The following ZNF266 variants were observed in gnomAD, a reference collection of about 807,000 sequenced individuals.
ZNF266 encodes the protein zinc finger protein 266.
In ZNF266, 16 loss-of-function variants were observed where a neutral mutation model predicts 16.4. The ratio of observed to expected loss-of-function variants is 0.98; its 90% CI spans 0.66 to 1.48. The LOEUF (loss-of-function observed/expected upper bound fraction) is 1.48, where lower values mean the gene tolerates loss of function less well. Ranked by LOEUF, ZNF266 falls within the 40% of genes most tolerant of loss-of-function variation. The pLI is 0.00. For missense variants in ZNF266, 738 were observed against 689.1 expected (o/e 1.07, Z -0.79); for synonymous variants, 262 against 237.9 (o/e 1.10, Z -0.93).
intron 7 of ZNF266, chr19:9,418,841 G>A (rs2069441527): frequency 7.2e-6 from 3 of 418,742 alleles, no homozygotes; most frequent in Admixed American, 3.7e-5. Context: ...CAGACTGGGA[G>A]GTCATCTGAT....
Position 9,414,154 on chromosome 19 carries a change from CTGAG to C in ZNF266, c.968_971del (p.Thr323SerfsTer27), listed in dbSNP as rs761109509. ...TCTCTCCAGTGTGAGTTTTTCTGTGCTGAGTAAGTTGACAAGACCTGGTGAAGGC... is the reference window on the plus strand; with the variant it reads ...TCTCTCCAGTGTGAGTTTTTCTGTGCTAAGTTGACAAGACCTGGTGAAGGC... On this transcript the variant is annotated frameshift_variant, in exon 11 of 11. Coordinates refer to ENST00000592904, the MANE Select transcript of ZNF266 (RefSeq NM_001370374.1). LOFTEE classifies it low-confidence loss of function (END_TRUNC). 2.9e-5 allele frequency: 46 copies of C among 1,613,672 alleles called. No individual in the cohort carries two copies. In the Admixed American group the frequency reaches 3.5e-4, roughly 12 times the overall value.
chr19:9,413,957 G>T lies in ZNF266; in HGVS notation c.1169C>A (p.Pro390His), dbSNP rs370122292. ...TTTTCCACATATCTTACATTCAAAG[G>T]GATCCTTTGCAGTGTGAGTTTTTAA... ...EHLKTHTAKD[P>H]FECKICGKSF... is the part of the protein sequence containing the mutation. Residue 390 changes from proline (P) to histidine (H), a missense_variant, in exon 11 of 11, where the codon CCC becomes CAC. Transcript: ENST00000592904. 21 of 1,614,114 alleles carry T rather than the reference G, an allele frequency of 1.3e-5. No individual in the cohort carries two copies. The African/African-American group carries it at 2.5e-4, about 19-fold the overall frequency.
chr19:9,427,117 G>T (rs1053500984), intron 5 of ZNF266, among the ~76,000 whole-genome samples: 1 of 152,058 alleles, frequency 6.6e-6, no homozygotes, highest in Non-Finnish European at 1.5e-5. Flanking sequence ...TATCCCTACT[G>T]CTTCTCTATT....
intron 5 of ZNF266, among the ~76,000 whole-genome samples, chr19:9,428,717 A>G (rs112016273): frequency 0.099 from 3,117 of 31,372 alleles, 99 homozygotes; most frequent in African/African-American, 0.27. Context: ...CCAGGGTGGG[A>G]AAAAAAAAAA....
At chr19:9,425,732 A>G (rs2070647355) in intron 5 of ZNF266, among the ~76,000 whole-genome samples, 1 of 152,152 alleles carries the variant, frequency 6.6e-6, no homozygotes, top group Non-Finnish European at 1.5e-5. Context: ...TGGGTCCTCC[A>G]TAGTCCAAGC....
chr19:9,427,445 C>T (rs1191650355), intron 5 of ZNF266, among the ~76,000 whole-genome samples: 1 of 151,892 alleles, frequency 6.6e-6, no homozygotes, highest in Non-Finnish European at 1.5e-5. Flanking sequence ...CTCAGCCTCC[C>T]GAGTAGCTGG....
At chr19:9,416,406 C>T (rs1276280729) in intron 9 of ZNF266, among the ~76,000 whole-genome samples, 10 of 147,980 alleles carry the variant, frequency 6.8e-5, no homozygotes, top group Non-Finnish European at 1.3e-4. Flanking sequence ...TCTTGTCACT[C>T]AGGCTGGAGT....
intron 5 of ZNF266, among the ~76,000 whole-genome samples, chr19:9,429,104 T>C (rs2123393690): frequency 6.6e-6 from 1 of 152,274 alleles, no homozygotes; most frequent in East Asian, 1.9e-4. Context: ...TTCATTTCCC[T>C]AATAGGTCTC....
intron 9 of ZNF266, among the ~76,000 whole-genome samples, chr19:9,416,777 T>C (rs1340065099): frequency 6.9e-6 from 1 of 144,366 alleles, no homozygotes; most frequent in African/African-American, 2.6e-5. Flanking sequence ...GTTCAAGCGA[T>C]TCTCCTGCCT....
intron 5 of ZNF266, among the ~76,000 whole-genome samples, chr19:9,424,431 T>C (rs928809439): frequency 6.6e-6 from 1 of 152,120 alleles, no homozygotes; most frequent in African/African-American, 2.4e-5. Flanking sequence ...GGATTCGGAC[T>C]CTGGGCGAAC....
At chr19:9,421,779 C>A (rs576073097) in intron 5 of ZNF266, among the ~76,000 whole-genome samples, 32 of 152,288 alleles carry the variant, frequency 2.1e-4, no homozygotes, top group Admixed American at 1.1e-3. Context: ...CTCCTTTATA[C>A]ATCTTGTAAC....
intron 5 of ZNF266, among the ~76,000 whole-genome samples, chr19:9,430,727 T>G (rs989357473): frequency 6.6e-6 from 1 of 152,148 alleles, no homozygotes; most frequent in African/African-American, 2.4e-5. Context: ...CCACAGCTGC[T>G]GACCATAATG....
chr19:9,421,782 C>G (rs2069926309), intron 5 of ZNF266, among the ~76,000 whole-genome samples: 1 of 152,166 alleles, frequency 6.6e-6, no homozygotes, highest in Admixed American at 6.5e-5. Context: ...CTTTATACAT[C>G]TTGTAACAAC....
In ZNF266 at chr19:9,427,787, G is replaced by A. The variant is rs538465541; in HGVS notation, c.-130+5881C>T. ...ATCTTAACAACATCCACCTTCTCCA[G>A]GAACACAGGTATGCACCGCACCGAT... On this transcript the variant is annotated intron_variant, in intron 5 of 10. Transcript: ENST00000592904. Among the ~76,000 whole-genome samples, 9 of 152,114 alleles carry A rather than the reference G, an allele frequency of 5.9e-5. No homozygotes were observed. The East Asian group carries it at 9.7e-4, about 16-fold the overall frequency.
chr19:9,425,358 G>A (rs2070581583), intron 5 of ZNF266, among the ~76,000 whole-genome samples: 1 of 152,090 alleles, frequency 6.6e-6, no homozygotes, highest in Non-Finnish European at 1.5e-5. Flanking sequence ...GGATGCTTCT[G>A]ACATTTCATG....
At chr19:9,432,766 G>C (rs976292912) in intron 5 of ZNF266, among the ~76,000 whole-genome samples, 1 of 142,622 alleles carries the variant, frequency 7.0e-6, no homozygotes, top group Non-Finnish European at 1.5e-5. Flanking sequence ...ATTGGTATGT[G>C]ATGGCAGTTA....
chr19:9,431,603 G>A (rs1599570039), intron 5 of ZNF266, among the ~76,000 whole-genome samples: 2 of 152,170 alleles, frequency 1.3e-5, no homozygotes, highest in South Asian at 2.1e-4. Context: ...CACTTCCAGG[G>A]CAGACACGAA....
rs1459249253 is a variant in ZNF266 at position 9,435,312 on chromosome 19, G to A, written c.-586C>T. 6.6e-6 allele frequency: 1 copy of A among 152,350 alleles called. No individual in the cohort carries two copies. Among genetic ancestry groups the A allele is most frequent in the Middle Eastern group, 3.4e-3 (1 of 294 alleles). 9.4% of individuals were successfully genotyped at this position (152,350 alleles called of 1,614,324 possible). A position where few individuals can be genotyped will look rare whatever the true frequency, so the allele number is the denominator to read the frequency against. On this transcript the variant is annotated 5_prime_UTR_variant, in exon 1 of 11. Transcript: ENST00000592904. ...AGATCCCGAAACGGCTCCTGGCCCA[G>A]GGCCGTCGCAGTGACAACTCGAGTG...
chr19:9,414,587 A>T lies in ZNF266; in HGVS notation c.539T>A (p.Val180Glu). The T allele has an allele frequency of 6.2e-7, 1 of 1,613,620 alleles. No individual in the cohort carries two copies. Among genetic ancestry groups the T allele is most frequent in the Non-Finnish European group, 8.5e-7 (1 of 1,179,540 alleles). The change falls in exon 11 of 11, where the codon GTA becomes GAA. Residue 180 changes from valine to glutamate, a missense_variant. By Grantham distance (121) the Val-to-Glu change is moderately radical. Transcript: ENST00000592904. ...ENTFECYLYG[V>E]DFLTLHKKTS... ...TTTCTTGTGCAGAGTAAGGAAGTCT[A>T]CTCCATACAGATAACACTCAAATGT... is the stretch of plus-strand genomic sequence containing the variant.
Sources: allele counts gnomAD v4.1 joint callset (sites outside exome capture counted in the v4.1 genomes callset), GRCh38; gene constraint gnomAD v4.1.1; transcripts MANE v1.5; gene names NCBI Gene and HGNC (gene_info 2026-07-23, HGNC 2026-07-21).